The following ST7 variants were observed in gnomAD, a reference collection of about 807,000 sequenced individuals.
ST7 encodes the protein suppressor of tumorigenicity 7 protein.
ST7 carries 28 observed loss-of-function variants against 78.7 expected under a neutral mutation model. The observed-to-expected ratio is 0.36, with a 90% CI of 0.26 to 0.49. The LOEUF is 0.49. Ranked by LOEUF, ST7 falls within the 20% of genes least tolerant of loss-of-function variation. The probability of loss-of-function intolerance (pLI) is 0.99; values close to 1 mark genes in which losing one functional copy is unlikely to be tolerated. For synonymous variants in ST7, 247 were observed against 249.6 expected, an observed-to-expected ratio of 0.99 and a Z score of 0.10; for missense variants, 418 against 696.0, an observed-to-expected ratio of 0.60 and a Z score of 4.49.
At chr7:117,192,478 A>G (rs547418007) in intron 12 of ST7, among the ~76,000 whole-genome samples, 1 of 152,330 alleles carries the variant, frequency 6.6e-6, no homozygotes, top group Non-Finnish European at 1.5e-5. Context: ...CTTCTGTGGT[A>G]AAGATCAAGT....
chr7:117,021,419 A>C (rs1158177215), intron 1 of ST7, among the ~76,000 whole-genome samples: 2 of 152,250 alleles, frequency 1.3e-5, no homozygotes, highest in Non-Finnish European at 2.9e-5. Flanking sequence ...ATTAGCAAAA[A>C]TGACAGTTAA....
intron 8 of ST7, 149 bp downstream of exon 8, chr7:117,136,384 C>A: frequency 1.1e-6 from 1 of 888,604 alleles, no homozygotes. Flanking sequence ...TTCTTCTTTC[C>A]TATAAGTGCA....
chr7:117,072,017 C>T (rs544723324), intron 1 of ST7: 1 of 152,296 alleles, frequency 6.6e-6, no homozygotes, highest in African/African-American at 2.4e-5. Flanking sequence ...TTAATATACT[C>T]AAATGATGAA....
chr7:117,192,085 A>G (rs1809834563), intron 12 of ST7, among the ~76,000 whole-genome samples: 1 of 152,240 alleles, frequency 6.6e-6, no homozygotes, highest in Non-Finnish European at 1.5e-5. Context: ...GTAATGACCA[A>G]CATAGTATTT....
intron 9 of ST7, among the ~76,000 whole-genome samples, chr7:117,150,981 C>A (rs1200092287): frequency 6.6e-6 from 1 of 152,174 alleles, no homozygotes; most frequent in Non-Finnish European, 1.5e-5. Context: ...TTAATATGTG[C>A]AAGTCCTCAT....
chr7:117,014,545 T>A (rs1795521512), intron 1 of ST7, among the ~76,000 whole-genome samples: 1 of 152,220 alleles, frequency 6.6e-6, no homozygotes, highest in Non-Finnish European at 1.5e-5. Flanking sequence ...TACTATCAAA[T>A]GAATGAATGT....
intron 2 of ST7, among the ~76,000 whole-genome samples, chr7:117,106,635 T>G (rs1457311677): frequency 6.7e-6 from 1 of 148,528 alleles, no homozygotes; most frequent in Non-Finnish European, 1.5e-5. Context: ...TTTTTTTTTT[T>G]TTTGAGTTGG....
chr7:116,982,680 C>A (rs2096211959), intron 1 of ST7, among the ~76,000 whole-genome samples: 1 of 152,164 alleles, frequency 6.6e-6, no homozygotes, highest in African/African-American at 2.4e-5. Flanking sequence ...TAAGATGTCC[C>A]AGTCTCATCT....
At chr7:116,986,601 A>G (rs1794202384) in intron 1 of ST7, among the ~76,000 whole-genome samples, 1 of 152,220 alleles carries the variant, frequency 6.6e-6, no homozygotes, top group Non-Finnish European at 1.5e-5. Flanking sequence ...TGCAGACAGC[A>G]TAAGTACCAA....
At chr7:117,038,996 T>G (rs1420372112) in intron 1 of ST7, among the ~76,000 whole-genome samples, 1 of 152,208 alleles carries the variant, frequency 6.6e-6, no homozygotes, top group East Asian at 1.9e-4. Flanking sequence ...ATAAATACTT[T>G]TCATAATACT....
intron 12 of ST7, among the ~76,000 whole-genome samples, chr7:117,192,616 C>T (rs902526708): frequency 5.9e-5 from 9 of 152,128 alleles, no homozygotes; most frequent in African/African-American, 1.7e-4. Context: ...TGGTTGGGGG[C>T]TCCTCATATC....
chr7:116,954,716 C>T (rs1792358563), intron 1 of ST7: 1 of 154,014 alleles, frequency 6.5e-6, no homozygotes. Flanking sequence ...ATTTTAATTT[C>T]ACAGTACTGG....
chr7:117,014,522 A>G (rs1031243836), intron 1 of ST7, among the ~76,000 whole-genome samples: 1 of 152,250 alleles, frequency 6.6e-6, no homozygotes, highest in African/African-American at 2.4e-5. Flanking sequence ...CAAATGGATA[A>G]AATATGCATA....
chr7:117,205,660 C>A (rs1172539352), intron 12 of ST7, among the ~76,000 whole-genome samples: 1 of 152,192 alleles, frequency 6.6e-6, no homozygotes, highest in Non-Finnish European at 1.5e-5. Flanking sequence ...CACTCAGAGA[C>A]CTCCATGAGT....
rs1401659235 is a variant in ST7, at chr7:116,953,507, C to T, written c.-34C>T. On this transcript the variant is annotated 5_prime_UTR_variant, in exon 1 of 16. Transcript: ENST00000323984. Reference sequence around the variant, plus strand: ...GCCGGTGAATCATCCCGGCAGACACCAAGAGCCGCGGCAGCAGAGAGGAGC... The same window carrying T: ...GCCGGTGAATCATCCCGGCAGACACTAAGAGCCGCGGCAGCAGAGAGGAGC... The T allele has an allele frequency of 4.6e-6, 6 of 1,296,238 alleles. No homozygotes were observed. In the African/African-American group the frequency reaches 7.7e-5, roughly 17 times the overall value. 80.3% of individuals were successfully genotyped at this position (1,296,238 alleles called of 1,614,324 possible).
chr7:117,219,264 CTTGTCTTTTATTACT>C lies in ST7; in HGVS notation c.1498+91_1498+105del. The C allele has an allele frequency of 9.4e-7, 1 of 1,062,442 alleles. No homozygotes were observed. The highest frequency in any genetic ancestry group is 1.4e-6 in the Non-Finnish European group (1 of 720,394). The allele number at this position is 1,062,442 out of a possible 1,614,324, so 65.8% of individuals were successfully genotyped here. A position where few individuals can be genotyped will look rare whatever the true frequency, so the allele number is the denominator to read the frequency against. On this transcript the variant is annotated intron_variant, in intron 14 of 15. Transcript: ENST00000323984. The surrounding 1 kb of genome is among the most constrained non-coding windows in gnomAD (Gnocchi z 5.1). ...GGGAATATCAAAGTTTAGAATGCTCCTTGTCTTTTATTACTTTTCTCCAAACCCCTGTCCTTGTTT... is the reference window on the plus strand; with the variant it reads ...GGGAATATCAAAGTTTAGAATGCTCCTTTCTCCAAACCCCTGTCCTTGTTT...
intron 1 of ST7, among the ~76,000 whole-genome samples, chr7:117,029,922 A>G (rs1382215604): frequency 6.6e-6 from 1 of 152,152 alleles, no homozygotes; most frequent in African/African-American, 2.4e-5. Flanking sequence ...CCAATACTAT[A>G]ATTGTTATTA....
intron 14 of ST7, among the ~76,000 whole-genome samples, chr7:117,220,664 C>T (rs772855922): frequency 2.6e-5 from 4 of 152,136 alleles, no homozygotes; most frequent in Admixed American, 6.6e-5. Context: ...GTCTGGTCTC[C>T]CTCCAAAATC....
At chr7:116,996,848 A>G (rs1316307221) in intron 1 of ST7, among the ~76,000 whole-genome samples, 1 of 152,236 alleles carries the variant, frequency 6.6e-6, no homozygotes, top group Non-Finnish European at 1.5e-5. Flanking sequence ...TCCATAAAAC[A>G]TTAGTTCTGG....
Sources: gnomAD v4.1 joint callset for allele counts (sites outside exome capture counted in the v4.1 genomes callset) on GRCh38, gnomAD v4.1.1 for gene constraint, Gnocchi (gnomAD v3.1) non-coding constraint, MANE v1.5 for transcripts, NCBI Gene and HGNC (gene_info 2026-07-23, HGNC 2026-07-21) for gene names.